The following RSPO2 variants were observed in gnomAD, a reference collection of about 807,000 sequenced individuals.
The protein encoded by RSPO2 is R-spondin-2.
A neutral mutation model predicts 30.9 loss-of-function variants in RSPO2; 14 were observed. The ratio of observed to expected loss-of-function variants is 0.45; its 90% CI spans 0.30 to 0.71. The LOEUF (loss-of-function observed/expected upper bound fraction) is 0.71, where lower values mean the gene tolerates loss of function less well. Ranked by LOEUF, RSPO2 falls within the 30% of genes least tolerant of loss-of-function variation. The pLI is 0.08. For missense variants in RSPO2, 264 were observed against 301.9 expected (o/e 0.87, Z 0.93); for synonymous variants, 107 against 96.4 (o/e 1.11, Z -0.64).
At chr8:108,062,646 C>A (rs1586670509) in intron 2 of RSPO2, among the ~76,000 whole-genome samples, 1 of 151,840 alleles carries the variant, frequency 6.6e-6, no homozygotes, top group Non-Finnish European at 1.5e-5. Context: ...CTATTCCAAT[C>A]AACAGAAAAA....
chr8:107,937,637 A>G (rs553220271), intron 5 of RSPO2, among the ~76,000 whole-genome samples: 88 of 152,048 alleles, frequency 5.8e-4, no homozygotes, highest in African/African-American at 2.1e-3. Flanking sequence ...GAGCAACAGA[A>G]GAAGGTGGCC....
intron 5 of RSPO2, among the ~76,000 whole-genome samples, chr8:107,933,998 A>AT (rs1812635649): frequency 6.6e-6 from 1 of 152,188 alleles, no homozygotes; most frequent in Non-Finnish European, 1.5e-5. Flanking sequence ...AAGACAATTC[A>AT]CAAAAAAATG....
At chr8:107,956,020 A>G (rs1380907411) in intron 5 of RSPO2, among the ~76,000 whole-genome samples, 1 of 152,198 alleles carries the variant, frequency 6.6e-6, no homozygotes, top group African/African-American at 2.4e-5. Context: ...GCCATGACCT[A>G]TTGAAGAAAG....
chr8:108,021,586 T>C (rs527320091), intron 2 of RSPO2, among the ~76,000 whole-genome samples: 1 of 152,204 alleles, frequency 6.6e-6, no homozygotes, highest in East Asian at 1.9e-4. Context: ...TACCCTCCAG[T>C]GTGCTAGGGA....
intron 3 of RSPO2, among the ~76,000 whole-genome samples, chr8:107,966,564 T>A (rs1445434011): frequency 2.0e-5 from 3 of 152,084 alleles, no homozygotes; most frequent in Admixed American, 6.5e-5. Context: ...TTATAATGAA[T>A]CCATAAAAGT....
chr8:107,991,096 A>T (rs1814829425), intron 2 of RSPO2, among the ~76,000 whole-genome samples: 2 of 152,064 alleles, frequency 1.3e-5, no homozygotes, highest in Non-Finnish European at 2.9e-5. Flanking sequence ...CAAAACACAA[A>T]ATTAGCTGGG....
At chr8:108,022,058 A>T (rs1030500407) in intron 2 of RSPO2, among the ~76,000 whole-genome samples, 2 of 152,118 alleles carry the variant, frequency 1.3e-5, no homozygotes, top group Non-Finnish European at 2.9e-5. Context: ...CTCCCACCAC[A>T]TCTTCTAGCT....
rs1177825738 is a variant in RSPO2, at chr8:107,983,054, T to TC, written c.283+6001dup. On this transcript the variant is annotated intron_variant, in intron 3 of 5. Coordinates refer to ENST00000276659, the MANE Select transcript of RSPO2 (RefSeq NM_178565.5). ...GCGGCTGTGTCACGCTCCCCTGCAGTCCCCTCCATGTTCCCTGGCACCACT... is the reference window on the plus strand; with the variant it reads ...GCGGCTGTGTCACGCTCCCCTGCAGTCCCCCTCCATGTTCCCTGGCACCACT... The TC allele has an allele frequency of 5.8e-6, 7 of 1,198,774 alleles. No homozygotes were observed. In the African/African-American group the frequency reaches 7.7e-5, roughly 13 times the overall value. 74.3% of individuals were successfully genotyped at this position (1,198,774 alleles called of 1,614,324 possible).
chr8:107,936,612 C>G (rs1812730578), intron 5 of RSPO2, among the ~76,000 whole-genome samples: 1 of 152,192 alleles, frequency 6.6e-6, no homozygotes, highest in South Asian at 2.1e-4. Context: ...TCCACATCCT[C>G]ACCAGCATCT....
intron 3 of RSPO2, among the ~76,000 whole-genome samples, chr8:107,968,977 A>G (rs1441433746): frequency 6.6e-6 from 1 of 152,154 alleles, no homozygotes; most frequent in Non-Finnish European, 1.5e-5. Flanking sequence ...AGCTTAACAA[A>G]CTGATCACAA....
At position 108,057,694 on chromosome 8, in the gene RSPO2, G is replaced by A. The variant is rs1053404635; in HGVS notation, c.94+24851C>T. Among the ~76,000 whole-genome samples the A allele has an allele frequency of 4.6e-5, 7 of 151,924 alleles. No individual in the cohort carries two copies. The South Asian group carries it at 1.0e-3, about 22-fold the overall frequency. ...TTAAAAACACTAAACAGGTAGAAGA[G>A]AAAAAAAATCCCAAGAATCTTTTCA... On this transcript the variant is annotated intron_variant, in intron 2 of 5. Coordinates refer to ENST00000276659, the MANE Select transcript of RSPO2 (RefSeq NM_178565.5).
intron 5 of RSPO2, among the ~76,000 whole-genome samples, chr8:107,932,557 A>G (rs531970482): frequency 3.9e-5 from 6 of 152,332 alleles, no homozygotes; most frequent in African/African-American, 2.4e-5. Context: ...GATAATAAAC[A>G]GGTCATAACA....
chr8:107,967,930 A>G lies in RSPO2; in HGVS notation c.284-7113T>C, dbSNP rs144500963. Among the ~76,000 whole-genome samples, 288 of 152,234 alleles carry G rather than the reference A, an allele frequency of 1.9e-3. 8 individuals are homozygous for G. In the East Asian group the frequency reaches 0.048, roughly 26 times the overall value. ...TTAATGTCCTCATGTATTTTTTTAA[A>G]GGTATTATCAGTCTCTATCTTACAG... On this transcript the variant is annotated intron_variant, in intron 3 of 5. Coordinates refer to ENST00000276659, the MANE Select transcript of RSPO2 (RefSeq NM_178565.5).
chr8:107,951,177 TCCC>T (rs1813234871), intron 5 of RSPO2, among the ~76,000 whole-genome samples: 2 of 151,832 alleles, frequency 1.3e-5, no homozygotes, highest in Admixed American at 1.3e-4. Flanking sequence ...TGCCTCAGCC[TCCC>T]AAGTAGCTGG....
intron 2 of RSPO2, among the ~76,000 whole-genome samples, chr8:108,035,850 T>C (rs1225977472): frequency 6.6e-6 from 1 of 152,178 alleles, no homozygotes; most frequent in African/African-American, 2.4e-5. Context: ...AACTGGGCTC[T>C]TGAGTCACCA....
intron 5 of RSPO2, among the ~76,000 whole-genome samples, chr8:107,949,294 T>G (rs1280061437): frequency 3.3e-5 from 5 of 152,202 alleles, no homozygotes; most frequent in African/African-American, 1.2e-4. Context: ...CTTGGAATAA[T>G]GGTCTCTAAC....
rs1468506964 is a variant in RSPO2 at position 107,901,171 on chromosome 8, CGCCTTT to C, written c.630_635del (p.Ala212_Lys213del). ...TCTTTTTCTTGTTCCTCTTCTCCTT[CGCCTTT>C]GGTGTTCTCTTCCCTGCAATGAAGG... On this transcript the variant is annotated inframe_deletion, in exon 6 of 6. Coordinates refer to ENST00000276659, the MANE Select transcript of RSPO2 (RefSeq NM_178565.5). The C allele has an allele frequency of 6.2e-7, 1 of 1,613,564 alleles. No homozygotes were observed. The highest frequency in any genetic ancestry group is 8.5e-7 in the Non-Finnish European group (1 of 1,179,808).
intron 5 of RSPO2, among the ~76,000 whole-genome samples, chr8:107,947,077 T>C (rs1760292013): frequency 6.6e-6 from 1 of 152,254 alleles, no homozygotes; most frequent in Non-Finnish European, 1.5e-5. Flanking sequence ...ATTAGCTACA[T>C]GGTTTTCTCC....
At chr8:108,064,726 A>G (rs568786734) in intron 2 of RSPO2, among the ~76,000 whole-genome samples, 2 of 152,318 alleles carry the variant, frequency 1.3e-5, no homozygotes, top group East Asian at 3.9e-4. Context: ...ATGCACACGT[A>G]TGTTTATTGG....
Sources: gnomAD v4.1 joint callset for allele counts (sites outside exome capture counted in the v4.1 genomes callset) on GRCh38, gnomAD v4.1.1 for gene constraint, MANE v1.5 for transcripts, NCBI Gene and HGNC (gene_info 2026-07-23, HGNC 2026-07-21) for gene names.